ANKRD17: variants seen among roughly 807,000 people sequenced by gnomAD.
ANKRD17 encodes the protein ankyrin repeat domain-containing protein 17.
ANKRD17 carries 19 observed loss-of-function variants against 229.7 expected under a neutral mutation model. The ratio of observed to expected loss-of-function variants is 0.08; its 90% CI spans 0.06 to 0.12. ANKRD17 has a LOEUF of 0.12. ANKRD17 is among the 10% of genes least tolerant of loss of function. ANKRD17 has a pLI of 1.00. For missense variants in ANKRD17, 2,176 were observed against 3,176.8 expected (o/e 0.68, Z 7.57); for synonymous variants, 1,112 against 1,146.1 (o/e 0.97, Z 0.60).
chr4:73,223,809 G>A lies in ANKRD17; in HGVS notation c.393+34467C>T, dbSNP rs564931117. 1.1e-4 allele frequency among the ~76,000 whole-genome samples: 17 copies of A among 152,088 alleles called. No individual in the cohort carries two copies. In the South Asian group the frequency reaches 2.9e-3, roughly 26 times the overall value. On this transcript the variant is annotated intron_variant, in intron 1 of 33. Coordinates refer to ENST00000358602, the MANE Select transcript of ANKRD17 (RefSeq NM_032217.5). Reference sequence around the variant, plus strand: ...ATGAAATTTAGAGACACCAAATCTGGATCATCAAACAGCAAATAAAGTGAG... The same window carrying A: ...ATGAAATTTAGAGACACCAAATCTGAATCATCAAACAGCAAATAAAGTGAG...
At chr4:73,141,600 A>T in intron 14 of ANKRD17, 141 bp downstream of exon 14, 1 of 721,678 alleles carries the variant, frequency 1.4e-6, no homozygotes, top group Non-Finnish European at 2.3e-6. Context: ...TTTTTCTCCC[A>T]ATAACATGCT....
At chr4:73,166,930 T>C (rs544662282) in intron 2 of ANKRD17, among the ~76,000 whole-genome samples, 47 of 152,228 alleles carry the variant, frequency 3.1e-4, no homozygotes, top group Admixed American at 1.0e-3. Flanking sequence ...CAGAAAATAA[T>C]TGAAGAAATC....
intron 7 of ANKRD17, among the ~76,000 whole-genome samples, chr4:73,149,464 A>T (rs1427979041): frequency 1.3e-5 from 2 of 152,210 alleles, no homozygotes; most frequent in Non-Finnish European, 2.9e-5. Context: ...TTAGTTAGAA[A>T]AAAATGGAAC....
intron 1 of ANKRD17, among the ~76,000 whole-genome samples, chr4:73,207,984 C>T (rs191066255): frequency 6.1e-4 from 92 of 152,054 alleles, no homozygotes; most frequent in Non-Finnish European, 7.4e-5. Context: ...GTCAGGAGAT[C>T]GAGACCATCC....
chr4:73,245,340 T>G (rs2149269542), intron 1 of ANKRD17, among the ~76,000 whole-genome samples: 1 of 152,312 alleles, frequency 6.6e-6, no homozygotes, highest in African/African-American at 2.4e-5. Context: ...TAATTGAAGT[T>G]CCTAATCAAC....
intron 1 of ANKRD17, among the ~76,000 whole-genome samples, chr4:73,253,391 G>T (rs1403451776): frequency 6.6e-6 from 1 of 152,170 alleles, no homozygotes; most frequent in African/African-American, 2.4e-5. Flanking sequence ...AACATTTATT[G>T]AATAATGAAA....
At chr4:73,184,359 T>C (rs1454955796) in intron 1 of ANKRD17, among the ~76,000 whole-genome samples, 1 of 151,916 alleles carries the variant, frequency 6.6e-6, no homozygotes, top group Non-Finnish European at 1.5e-5. Flanking sequence ...TGAAAGCCTA[T>C]TGCTATTTAA....
intron 11 of ANKRD17, among the ~76,000 whole-genome samples, chr4:73,143,586 T>C (rs1729872919): frequency 6.6e-6 from 1 of 152,186 alleles, no homozygotes; most frequent in African/African-American, 2.4e-5. Context: ...CTAAAGCATA[T>C]CACCAGTGCA....
At chr4:73,188,731 T>C (rs900466985) in intron 1 of ANKRD17, among the ~76,000 whole-genome samples, 1 of 151,294 alleles carries the variant, frequency 6.6e-6, no homozygotes, top group Non-Finnish European at 1.5e-5. Flanking sequence ...AAAACAAAAA[T>C]GAGAAAATTG....
intron 24 of ANKRD17, among the ~76,000 whole-genome samples, chr4:73,108,460 G>A (rs1326889340): frequency 6.6e-6 from 1 of 152,126 alleles, no homozygotes; most frequent in Non-Finnish European, 1.5e-5. Flanking sequence ...AAGTCAAAAG[G>A]CTTTTCGCTA....
intron 30 of ANKRD17, 56 bp downstream of exon 30, chr4:73,085,193 C>A: frequency 1.9e-6 from 3 of 1,540,496 alleles, no homozygotes; most frequent in Admixed American, 3.5e-5. Flanking sequence ...TTGAAACCTG[C>A]TGTTTTTAAG....
At chr4:73,249,284 G>A (rs1312965778) in intron 1 of ANKRD17, among the ~76,000 whole-genome samples, 1 of 152,036 alleles carries the variant, frequency 6.6e-6, no homozygotes, top group East Asian at 1.9e-4. Flanking sequence ...CCTTTCTTTT[G>A]TGGGGGAAGA....
At chr4:73,156,654 A>G (rs1200536594) in intron 3 of ANKRD17, among the ~76,000 whole-genome samples, 2 of 151,862 alleles carry the variant, frequency 1.3e-5, no homozygotes, top group Non-Finnish European at 2.9e-5. Context: ...CTACTGCGCC[A>G]TGGTAAGACA....
chr4:73,119,914 T>C (rs542361313), intron 21 of ANKRD17, among the ~76,000 whole-genome samples: 11 of 152,294 alleles, frequency 7.2e-5, no homozygotes, highest in South Asian at 4.1e-4. Context: ...AGCTTGTTAT[T>C]GTAGACGTTA....
rs1342812575 is a variant in ANKRD17, at chr4:73,191,334, A to AAT, written c.394-13803_394-13802dup. On this transcript the variant is annotated intron_variant, in intron 1 of 33. Coordinates refer to ENST00000358602, the MANE Select transcript of ANKRD17 (RefSeq NM_032217.5). ...TGGAAAAAATAGGCCCCTACCAAAA[A>AAT]ATATATATGTGTGTGTGTGTGTGTG... Among the ~76,000 whole-genome samples the AAT allele has an allele frequency of 3.5e-4, 30 of 84,714 alleles. 2 individuals are homozygous for AAT. Among genetic ancestry groups the AAT allele is most frequent in the East Asian group, 1.4e-3 (4 of 2,962 alleles). The allele number at this position is 84,714 out of a possible 152,430, so 55.6% of individuals were successfully genotyped here.
Position 73,076,299 on chromosome 4 carries a change from A to G in ANKRD17, c.7753-9T>C. Reference sequence around the variant, plus strand: ...CAGGGTCCAGTCCACACCTATGAATATAGAGCATGCATTTTACAAAATATA... The same window carrying G: ...CAGGGTCCAGTCCACACCTATGAATGTAGAGCATGCATTTTACAAAATATA... On this transcript the variant is annotated splice_polypyrimidine_tract_variant and intron_variant, in intron 33 of 33. Transcript: ENST00000358602. The G allele has an allele frequency of 1.3e-6, 2 of 1,578,474 alleles. No homozygotes were observed. Among genetic ancestry groups the G allele is most frequent in the Non-Finnish European group, 1.7e-6 (2 of 1,164,296 alleles).
At chr4:73,224,863 A>G (rs1742302290) in intron 1 of ANKRD17, among the ~76,000 whole-genome samples, 1 of 152,214 alleles carries the variant, frequency 6.6e-6, no homozygotes, top group South Asian at 2.1e-4. Context: ...AGAATCATCA[A>G]CTATACTTCT....
chr4:73,176,643 T>A (rs1459429501), intron 2 of ANKRD17, among the ~76,000 whole-genome samples: 1 of 152,056 alleles, frequency 6.6e-6, no homozygotes, highest in African/African-American at 2.4e-5. Context: ...AGACCTAGTA[T>A]GTGCTAGCAC....
intron 2 of ANKRD17, among the ~76,000 whole-genome samples, chr4:73,163,724 G>A (rs970440607): frequency 2.0e-5 from 3 of 152,282 alleles, no homozygotes; most frequent in South Asian, 2.1e-4. Flanking sequence ...GCTTTATAGC[G>A]ATATCTGCAA....
Sources: gnomAD v4.1 joint callset for allele counts (sites outside exome capture counted in the v4.1 genomes callset) on GRCh38, gnomAD v4.1.1 for gene constraint, MANE v1.5 for transcripts, NCBI Gene and HGNC (gene_info 2026-07-23, HGNC 2026-07-21) for gene names.